Variants in TTBK1 observed in about 807,000 individuals in gnomAD.
TTBK1 encodes tau-tubulin kinase 1.
In TTBK1, 34 loss-of-function variants were observed where a neutral mutation model predicts 108.5. The ratio of observed to expected loss-of-function variants is 0.31; its 90% confidence interval spans 0.24 to 0.42. The LOEUF (loss-of-function observed/expected upper bound fraction) is 0.42, where lower values mean the gene tolerates loss of function less well. TTBK1 is among the 10% of genes least tolerant of loss of function. The pLI is 1.00. For synonymous variants in TTBK1, 809 were observed against 795.1 expected (o/e 1.02, Z -0.29); for missense variants, 1,539 against 1,826.0 (o/e 0.84, Z 2.86).
At position 43,283,339 on chromosome 6, in the gene TTBK1, C is replaced by T. The variant is rs1260762839; in HGVS notation, c.2599C>T (p.Pro867Ser). 4 of 1,590,308 alleles carry T rather than the reference C, an allele frequency of 2.5e-6. No homozygotes were observed. Among genetic ancestry groups the T allele is most frequent in the Non-Finnish European group, 3.4e-6 (4 of 1,168,534 alleles). Residue 867 changes from proline (P) to serine (S), a missense_variant, in exon 14 of 15, where the codon CCT becomes TCT. Pro to Ser is a moderately conservative substitution (Grantham distance 74, BLOSUM62 -1). Transcript: ENST00000259750. The surrounding 1 kb of genome is among the most constrained non-coding windows in gnomAD (Gnocchi z 8.1). ...PDLGTLAALT[P>S]QHERPQPTGS... ...CCTGGGCACCCTGGCTGCCCTCACT[C>T]CTCAGCATGAGCGGCCCCAGCCCAC...
intron 13 of TTBK1, chr6:43,270,723 A>T: frequency 1.0e-6 from 1 of 985,330 alleles, no homozygotes; most frequent in Non-Finnish European, 1.2e-6. Flanking sequence ...AGGATGGATG[A>T]GAGGGGCCTG....
rs1306037399 is a variant in TTBK1 at position 43,273,885 on chromosome 6, A to G, written c.1987-8842A>G. Reference sequence around the variant, plus strand: ...CACTGTGAGCCTGAGGACTTCCTGCACCACCCTCTGTCCAGGGCTGCAGCA... The same window carrying G: ...CACTGTGAGCCTGAGGACTTCCTGCGCCACCCTCTGTCCAGGGCTGCAGCA... On this transcript the variant is annotated intron_variant, in intron 13 of 14. Transcript: ENST00000259750. This position sits in a 1 kb window ranked among gnomAD's most constrained non-coding sequence, Gnocchi z 4.2. Among the ~76,000 whole-genome samples the G allele has an allele frequency of 6.6e-6, 1 of 152,212 alleles. No individual in the cohort carries two copies. Among genetic ancestry groups the G allele is most frequent in the Non-Finnish European group, 1.5e-5 (1 of 68,036 alleles).
intron 2 of TTBK1, 142 bp downstream of exon 2, chr6:43,246,910 C>T (rs1171874856): frequency 1.6e-6 from 1 of 616,032 alleles, no homozygotes; most frequent in African/African-American, 1.9e-5. Context: ...GCTTGCATGT[C>T]ATTATTTTTG....
chr6:43,263,267 C>G lies in TTBK1; in HGVS notation c.1903C>G (p.Pro635Ala), dbSNP rs541825914. The G allele has an allele frequency of 7.8e-6, 12 of 1,536,302 alleles. No homozygotes were observed. The East Asian group carries it at 2.7e-4, about 34-fold the overall frequency. The change falls in exon 13 of 15, where the codon CCT becomes GCT. Residue 635 changes from proline (P) to alanine (A), a missense_variant. Pro to Ala is a conservative substitution (Grantham distance 27). Transcript: ENST00000259750. This position sits in a 1 kb window ranked among gnomAD's most constrained non-coding sequence, Gnocchi z 4.7. ...GRSETSQPPT[P>A]GSPSHSPLHS... ...TTCCGAGACGTCACAGCCCCCCACG[C>G]CTGGCAGCCCTTCCCACTCACCCCT...
At chr6:43,271,368 T>C (rs1056464374) in intron 13 of TTBK1, 8 of 985,314 alleles carry the variant, frequency 8.1e-6, no homozygotes, top group Non-Finnish European at 9.6e-6. Context: ...TTCCAGGAAG[T>C]GCCATTTACA....
chr6:43,283,842 T>G lies in TTBK1; in HGVS notation c.3102T>G (p.Pro1034=). Residue 1034 remains proline, a synonymous_variant, in exon 14 of 15, where the codon CCT becomes CCG. Transcript: ENST00000259750. The surrounding 1 kb of genome is among the most constrained non-coding windows in gnomAD (Gnocchi z 8.1). The stretch of plus-strand genomic sequence containing the variant: ...CGGTGTCCCCGCTGGAGCCAAGCCC[T>G]GAGAAAGTGGCCACCATCTCCCCCA... ...PAPVSPLEPS[P]EKVATISPRR... 1 of 1,609,886 alleles carries G rather than the reference T, an allele frequency of 6.2e-7. No individual in the cohort carries two copies. The highest frequency in any genetic ancestry group is 8.5e-7 in the Non-Finnish European group (1 of 1,177,592).
rs1443456413 is a variant in TTBK1, at chr6:43,287,906, G to C, written c.*2530G>C. ...CATGCCTTCCCTCCCCAGCCACACC[G>C]TGCACGAAGGGGGCACAGGAGAGGA... is the stretch of plus-strand genomic sequence containing the variant. On this transcript the variant is annotated 3_prime_UTR_variant, in exon 15 of 15. Coordinates refer to ENST00000259750, the MANE Select transcript of TTBK1 (RefSeq NM_032538.3). The surrounding 1 kb of genome is among the most constrained non-coding windows in gnomAD (Gnocchi z 4.1). The C allele has an allele frequency of 6.6e-6, 1 of 152,632 alleles. No homozygotes were observed. Among genetic ancestry groups the C allele is most frequent in the Non-Finnish European group, 1.5e-5 (1 of 68,304 alleles). 9.5% of individuals were successfully genotyped at this position (152,632 alleles called of 1,614,324 possible).
chr6:43,255,844 G>A lies in TTBK1; in HGVS notation c.849G>A (p.Lys283=), dbSNP rs750196130. The part of the protein sequence containing the change: ...DHIASLDYFT[K]PDYQLIMSVF... Reference sequence around the variant, plus strand: ...TTGCCAGCCTCGACTACTTCACCAAGCCCGACTACCAGGTGGGAGCCTGCT... The same window carrying A: ...TTGCCAGCCTCGACTACTTCACCAAACCCGACTACCAGGTGGGAGCCTGCT... The change falls in exon 9 of 15, where the codon AAG becomes AAA. Residue 283 remains lysine, a synonymous_variant. Coordinates refer to ENST00000259750, the MANE Select transcript of TTBK1 (RefSeq NM_032538.3). 3 of 1,614,142 alleles carry A rather than the reference G, an allele frequency of 1.9e-6. No individual in the cohort carries two copies. Among genetic ancestry groups the A allele is most frequent in the Non-Finnish European group, 2.5e-6 (3 of 1,180,010 alleles).
rs115496146 is a variant in TTBK1 at position 43,273,338 on chromosome 6, C to T, written c.1987-9389C>T. ...CATATTTTCCTTCCTTTCCCATTCC[C>T]ACCTTGCCATGGGGTGGCATCCAGA... On this transcript the variant is annotated intron_variant, in intron 13 of 14. Transcript: ENST00000259750. This position sits in a 1 kb window ranked among gnomAD's most constrained non-coding sequence, Gnocchi z 4.2. 6.6e-6 allele frequency among the ~76,000 whole-genome samples: 1 copy of T among 152,252 alleles called. No homozygotes were observed. The highest frequency in any genetic ancestry group is 2.4e-5 in the African/African-American group (1 of 41,530).
rs201570950 is a variant in TTBK1, at chr6:43,282,894, C to G, written c.2154C>G (p.Pro718=). ...VGFSHMLLTT[P]QVPLAPVQPQ... ...TCTCGCACATGCTGCTCACCACCCC[C>G]CAGGTCCCACTGGCTCCTGTTCAGC... The change falls in exon 14 of 15, where the codon CCC becomes CCG. Residue 718 remains proline (P), a synonymous_variant. Transcript: ENST00000259750. The surrounding 1 kb of genome is among the most constrained non-coding windows in gnomAD (Gnocchi z 5.4). 20 of 1,613,958 alleles carry G rather than the reference C, an allele frequency of 1.2e-5. No homozygotes were observed. In the African/African-American group the frequency reaches 2.3e-4, roughly 18 times the overall value.
chr6:43,265,547 G>A lies in TTBK1; in HGVS notation c.1986+2197G>A, dbSNP rs368385234. Among the ~76,000 whole-genome samples the A allele has an allele frequency of 3.9e-5, 6 of 152,346 alleles. No individual in the cohort carries two copies. The South Asian group carries it at 6.2e-4, about 16-fold the overall frequency. On this transcript the variant is annotated intron_variant, in intron 13 of 14. Coordinates refer to ENST00000259750, the MANE Select transcript of TTBK1 (RefSeq NM_032538.3). The surrounding 1 kb of genome is among the most constrained non-coding windows in gnomAD (Gnocchi z 4.1). ...CAGTCAAGTGGGCTGGCACCATTGC[G>A]TTGTAACTAGCCATTGCTCCCACCA...
intron 13 of TTBK1, among the ~76,000 whole-genome samples, chr6:43,275,301 C>G (rs897200155): frequency 2.0e-5 from 3 of 151,968 alleles, no homozygotes; most frequent in Admixed American, 6.6e-5. Context: ...GACTTCGGCC[C>G]CGCCGCGCTC....
chr6:43,284,394 C>G lies in TTBK1; in HGVS notation c.3572+82C>G, dbSNP rs3823424. The G allele has an allele frequency of 2.8e-4, 386 of 1,381,090 alleles. 1 individual carries two copies. The highest frequency in any genetic ancestry group is 8.1e-4 in the East Asian group (31 of 38,234). 85.6% of individuals were successfully genotyped at this position (1,381,090 alleles called of 1,614,324 possible). Reference sequence around the variant, plus strand: ...GGAGGGGCTTCTCCAGAACCAAGGTCAGGGGCTATGGAAGATCAGGAGGGA... The same window carrying G: ...GGAGGGGCTTCTCCAGAACCAAGGTGAGGGGCTATGGAAGATCAGGAGGGA... On this transcript the variant is annotated intron_variant, in intron 14 of 14. Transcript: ENST00000259750.
rs55908453 is a variant in TTBK1, at chr6:43,259,167, G to A, written c.1146G>A (p.Leu382=). The part of the protein sequence containing the change: ...PILPGRPSEG[L]GPSPHLVPHP... Reference sequence around the variant, plus strand: ...TGCCCGGGAGGCCCTCTGAGGGGCTGGGCCCCAGTCCCCACCTTGTCCCCC... The same window carrying A: ...TGCCCGGGAGGCCCTCTGAGGGGCTAGGCCCCAGTCCCCACCTTGTCCCCC... Residue 382 remains leucine, a synonymous_variant, in exon 11 of 15, where the codon CTG becomes CTA. Transcript: ENST00000259750. This position sits in a 1 kb window ranked among gnomAD's most constrained non-coding sequence, Gnocchi z 6.7. 6.6e-5 allele frequency: 106 copies of A among 1,613,310 alleles called. No homozygotes were observed. The East Asian group carries it at 1.5e-3, about 23-fold the overall frequency.
At chr6:43,279,701 C>T (rs1778098802) in intron 13 of TTBK1, among the ~76,000 whole-genome samples, 1 of 152,158 alleles carries the variant, frequency 6.6e-6, no homozygotes, top group African/African-American at 2.4e-5. Flanking sequence ...GAATATTGTG[C>T]AGAAAAAGTA....
chr6:43,255,709 C>G, intron 8 of TTBK1, 22 bp from the exon 9 acceptor site: 2 of 1,614,090 alleles, frequency 1.2e-6, no homozygotes, highest in Non-Finnish European at 1.7e-6. Flanking sequence ...GACTCCATCT[C>G]CCTGTGGCCT....
At chr6:43,247,301 C>T (rs538711922) in intron 2 of TTBK1, among the ~76,000 whole-genome samples, 1 of 152,320 alleles carries the variant, frequency 6.6e-6, no homozygotes, top group East Asian at 1.9e-4. Context: ...CATCTCCCGG[C>T]GTGCCCTGCT....
Position 43,261,808 on chromosome 6 carries a change from CAAAAAAA to C in TTBK1, c.1425-966_1425-960del, listed in dbSNP as rs11409412. Among the ~76,000 whole-genome samples, 414 of 86,072 alleles carry C rather than the reference CAAAAAAA, an allele frequency of 4.8e-3. 4 individuals carry two copies. The highest frequency in any genetic ancestry group is 0.017 in the African/African-American group (361 of 21,784). 56.5% of individuals were successfully genotyped at this position (86,072 alleles called of 152,430 possible). ...CCAGTCTGGGTGACAGATTCTGTCT[CAAAAAAA>C]AAAAAAAAAAAAAAGATAACGACAG... On this transcript the variant is annotated intron_variant, in intron 12 of 14. Transcript: ENST00000259750.
At chr6:43,272,438 G>A in intron 13 of TTBK1, 1 of 985,466 alleles carries the variant, frequency 1.0e-6, no homozygotes, top group Non-Finnish European at 1.2e-6. Flanking sequence ...GGGAGATCCA[G>A]CATTGAGAAG....
Sources: gnomAD v4.1 joint callset for allele counts (sites outside exome capture counted in the v4.1 genomes callset) on GRCh38, gnomAD v4.1.1 for gene constraint, Gnocchi (gnomAD v3.1) non-coding constraint, MANE v1.5 for transcripts, NCBI Gene and HGNC (gene_info 2026-07-23, HGNC 2026-07-21) for gene names.